The following ASAH2 variants were observed in gnomAD, a reference collection of about 807,000 sequenced individuals.
ASAH2 encodes the protein neutral ceramidase.
A neutral mutation model predicts 82.9 loss-of-function variants in ASAH2; 58 were observed. That is an observed-to-expected ratio of 0.70 (90% confidence interval 0.57 to 0.87). ASAH2 has a LOEUF of 0.87. ASAH2 is among the 40% of genes least tolerant of loss of function. ASAH2 has a pLI of 0.00. For synonymous variants in ASAH2, 276 were observed against 289.7 expected, an observed-to-expected ratio of 0.95 and a Z score of 0.48; for missense variants, 779 against 834.0, an observed-to-expected ratio of 0.93 and a Z score of 0.81.
chr10:50,234,822 T>A (rs1326313300), intron 5 of ASAH2, among the ~76,000 whole-genome samples: 1 of 152,088 alleles, frequency 6.6e-6, no homozygotes, highest in Non-Finnish European at 1.5e-5. Context: ...CAACTCCTGC[T>A]CTCTCAGGAC....
chr10:50,245,466 T>G lies in ASAH2; in HGVS notation c.128-12A>C, dbSNP rs1372807337. ...ATGGCCTCCTAAATCTAAAACAGAA[T>G]AAGAGATTTGAGAAACAACATTTCA... On this transcript the variant is annotated splice_polypyrimidine_tract_variant and intron_variant, in intron 2 of 20. Transcript: ENST00000682911. The G allele has an allele frequency of 1.9e-6, 3 of 1,602,148 alleles. No individual in the cohort carries two copies. Among genetic ancestry groups the G allele is most frequent in the East Asian group, 2.2e-5 (1 of 44,608 alleles).
Position 50,197,458 on chromosome 10 carries a change from A to C in ASAH2, c.1858-539T>G, listed in dbSNP as rs1432707679. On this transcript the variant is annotated intron_variant, in intron 17 of 20. Transcript: ENST00000682911. ...TTGCCCACAAAGTTTACCATTTTTAATAGTGTCATAAAAATACAAATCTCA... is the reference window on the plus strand; with the variant it reads ...TTGCCCACAAAGTTTACCATTTTTACTAGTGTCATAAAAATACAAATCTCA... Among the ~76,000 whole-genome samples, 248 of 151,834 alleles carry C rather than the reference A, an allele frequency of 1.6e-3. 6 individuals carry two copies. The highest frequency in any genetic ancestry group is 0.016 in the Admixed American group (246 of 15,220).
In ASAH2 at chr10:50,248,464, A is replaced by C; in HGVS notation, c.127+20T>G. ...CATACAGGCCTAAAAATTGCATCTA[A>C]GAGAGCCCATGACACTTGCCTTTGT... On this transcript the variant is annotated intron_variant, in intron 2 of 20. Transcript: ENST00000682911. 6.2e-7 allele frequency: 1 copy of C among 1,610,392 alleles called. No individual in the cohort carries two copies. Among genetic ancestry groups the C allele is most frequent in the Non-Finnish European group, 8.5e-7 (1 of 1,178,894 alleles).
chr10:50,203,493 G>C (rs1845214029), intron 15 of ASAH2, 147 bp downstream of exon 15: 1 of 785,382 alleles, frequency 1.3e-6, no homozygotes, highest in Non-Finnish European at 2.3e-6. Flanking sequence ...TTTTAAGTCT[G>C]GTTCTTATAC....
At chr10:50,210,134 C>G (rs2133205923) in intron 12 of ASAH2, among the ~76,000 whole-genome samples, 1 of 152,078 alleles carries the variant, frequency 6.6e-6, no homozygotes, top group East Asian at 1.9e-4. Flanking sequence ...ATGGGATAAC[C>G]CAAATGTTCA....
At chr10:50,194,387 C>T (rs1353199337) in intron 18 of ASAH2, among the ~76,000 whole-genome samples, 3 of 151,578 alleles carry the variant, frequency 2.0e-5, no homozygotes, top group African/African-American at 7.3e-5. Flanking sequence ...AAAGACAAAA[C>T]CACATTGTCA....
chr10:50,206,071 C>A lies in ASAH2; in HGVS notation c.1441G>T (p.Asp481Tyr). The A allele has an allele frequency of 1.2e-6, 2 of 1,612,342 alleles. No homozygotes were observed. The highest frequency in any genetic ancestry group is 1.1e-5 in the South Asian group (1 of 91,036). The change falls in exon 13 of 21, where the codon GAC (aspartate) becomes TAC (tyrosine). Residue 481 changes from aspartate to tyrosine, a missense_variant. Physicochemically the swap from Asp to Tyr is radical, Grantham distance 160 (BLOSUM62 -3). Around this residue, in one of 3 missense-constraint regions of ASAH2, gnomAD observed 759 missense variants for 755.2 expected, o/e 1.00. Transcript: ENST00000682911. ...QGKTEGDPFW[D>Y]TIRDQILGKP... ...CCCAGGATCTGGTCCCGAATGGTGT[C>A]CCAAAATGGATCCCCTTCTGTTTTC...
At chr10:50,243,151 TTC>T in intron 4 of ASAH2, 49 bp downstream of exon 4, 1 of 1,596,632 alleles carries the variant, frequency 6.3e-7, no homozygotes, top group African/African-American at 1.3e-5. Context: ...TCACCCACTT[TTC>T]CTTAAACCAT....
chr10:50,210,285 G>A (rs1324894925), intron 12 of ASAH2, among the ~76,000 whole-genome samples: 1 of 152,124 alleles, frequency 6.6e-6, no homozygotes, highest in Non-Finnish European at 1.5e-5. Flanking sequence ...CGGATCACTT[G>A]AGGTCAGGAA....
chr10:50,200,744 A>C (rs1226176888), intron 16 of ASAH2, among the ~76,000 whole-genome samples: 3 of 152,072 alleles, frequency 2.0e-5, no homozygotes, highest in African/African-American at 7.2e-5. Flanking sequence ...CTGTCACAAT[A>C]CATATCTGTT....
chr10:50,229,245 T>C (rs1484088283), intron 7 of ASAH2, among the ~76,000 whole-genome samples: 1 of 152,140 alleles, frequency 6.6e-6, no homozygotes, highest in Admixed American at 6.6e-5. Flanking sequence ...TCTCCCAAAG[T>C]GAATTTTGTA....
At chr10:50,224,643 A>G (rs894538567) in intron 7 of ASAH2, among the ~76,000 whole-genome samples, 2 of 152,136 alleles carry the variant, frequency 1.3e-5, no homozygotes, top group Non-Finnish European at 1.5e-5. Flanking sequence ...GGACTACCCA[A>G]TCTTCACTAG....
At chr10:50,198,272 T>C (rs1845044259) in intron 17 of ASAH2, 1 of 140,550 alleles carries the variant, frequency 7.1e-6, no homozygotes, top group Non-Finnish European at 1.5e-5. Flanking sequence ...CTTATTATTT[T>C]AAGCTCTTTA....
At chr10:50,195,393 C>G (rs1410131400) in intron 18 of ASAH2, among the ~76,000 whole-genome samples, 1 of 149,848 alleles carries the variant, frequency 6.7e-6, no homozygotes, top group Non-Finnish European at 1.5e-5. Flanking sequence ...AGACAAAAGA[C>G]AAGTGTTGAT....
intron 18 of ASAH2, among the ~76,000 whole-genome samples, chr10:50,194,985 G>A (rs1336747234): frequency 7.0e-6 from 1 of 142,538 alleles, no homozygotes; most frequent in African/African-American, 2.6e-5. Context: ...TGTAGGCGAT[G>A]TTTTTTTTTT....
Position 50,216,308 on chromosome 10 carries a change from T to TA in ASAH2, c.1015-1441dup, listed in dbSNP as rs5784823. ...TATCCAAAAACTTAAAGTATAATAA[T>TA]AAAAAAAAAAATCCAGAAAAAAATA... On this transcript the variant is annotated intron_variant, in intron 8 of 20. Transcript: ENST00000682911. Among the ~76,000 whole-genome samples, 116 of 151,112 alleles carry TA rather than the reference T, an allele frequency of 7.7e-4. 1 individual carries two copies. The highest frequency in any genetic ancestry group is 2.6e-3 in the African/African-American group (108 of 40,818).
intron 10 of ASAH2, among the ~76,000 whole-genome samples, chr10:50,211,785 T>G (rs1845460208): frequency 6.6e-6 from 1 of 152,170 alleles, no homozygotes; most frequent in Non-Finnish European, 1.5e-5. Context: ...TGCCTGACAC[T>G]TAGCTCATTT....
At chr10:50,240,076 C>T (rs1431444989) in intron 4 of ASAH2, among the ~76,000 whole-genome samples, 3 of 152,074 alleles carry the variant, frequency 2.0e-5, no homozygotes, top group Non-Finnish European at 2.9e-5. Context: ...GATCCACCTG[C>T]CTCAGCTTCC....
At chr10:50,213,740 G>A (rs1277552675) in intron 9 of ASAH2, among the ~76,000 whole-genome samples, 1 of 151,998 alleles carries the variant, frequency 6.6e-6, no homozygotes, top group East Asian at 1.9e-4. Flanking sequence ...AAAGACAACT[G>A]ATAAACTTTA....
Sources: allele counts gnomAD v4.1 joint callset (sites outside exome capture counted in the v4.1 genomes callset), GRCh38; gene constraint gnomAD v4.1.1; regional missense constraint gnomAD v4.1.1; transcripts MANE v1.5; gene names NCBI Gene and HGNC (gene_info 2026-07-23, HGNC 2026-07-21).